The following TNFRSF11A variants were observed in gnomAD, a reference collection of about 807,000 sequenced individuals.
TNFRSF11A encodes the protein tumor necrosis factor receptor superfamily member 11A.
A neutral mutation model predicts 55.7 loss-of-function variants in TNFRSF11A; 32 were observed. That is an observed-to-expected ratio of 0.57 (90% CI 0.43 to 0.77). TNFRSF11A has a LOEUF of 0.77. TNFRSF11A is among the 30% of genes least tolerant of loss of function. The pLI, the probability that TNFRSF11A is intolerant of heterozygous loss-of-function variation, is 0.00. For synonymous variants in TNFRSF11A, 311 were observed against 331.0 expected (o/e 0.94, Z 0.65); for missense variants, 753 against 809.8 (o/e 0.93, Z 0.85).
chr18:62,370,836 T>TTTTC (rs1491176958), intron 9 of TNFRSF11A, among the ~76,000 whole-genome samples: 15 of 2,882 alleles, frequency 5.2e-3, no homozygotes, highest in Admixed American at 0.013. Context: ...TTTTCTTTTC[T>TTTTC]TTTTTTTTTT....
chr18:62,386,362 G>A lies in TNFRSF11A; in HGVS notation c.*1328G>A, dbSNP rs1328787070. 6.6e-6 allele frequency: 1 copy of A among 152,204 alleles called. No individual in the cohort carries two copies. The highest frequency in any genetic ancestry group is 1.5e-5 in the Non-Finnish European group (1 of 68,040). 9.4% of individuals were successfully genotyped at this position (152,204 alleles called of 1,614,324 possible). On this transcript the variant is annotated 3_prime_UTR_variant, in exon 10 of 10. Transcript: ENST00000586569. ...GCATCTGTGGGTTAGCCTTGTAGAA[G>A]TGGAAAACATTCCATTTTCCAATGC...
In TNFRSF11A at chr18:62,387,870, C is replaced by G. The variant is rs1474371831; in HGVS notation, c.*2836C>G. The G allele has an allele frequency of 2.0e-5, 3 of 152,370 alleles. No homozygotes were observed. The highest frequency in any genetic ancestry group is 7.2e-5 in the African/African-American group (3 of 41,546). The allele number at this position is 152,370 out of a possible 1,614,324, so 9.4% of individuals were successfully genotyped here. A position where few individuals can be genotyped will look rare whatever the true frequency, so the allele number is the denominator to read the frequency against. ...GCACAGCGGTTCATGCCTCCCAGTG[C>G]TTTGGGAGGCCAAGGCAGGAGGATC... On this transcript the variant is annotated 3_prime_UTR_variant, in exon 10 of 10. Transcript: ENST00000586569.
rs953690195 is a variant in TNFRSF11A, at chr18:62,377,306, T to C, written c.1568-7445T>C. ...CTTCATTTACTGAAGGACTCTTGGC[T>C]GCTTCCAAGTTTTGGCAATTATGAC... On this transcript the variant is annotated intron_variant, in intron 9 of 9. Transcript: ENST00000586569. Among the ~76,000 whole-genome samples the C allele has an allele frequency of 2.6e-5, 4 of 152,264 alleles. No homozygotes were observed. In the East Asian group the frequency reaches 7.7e-4, roughly 29 times the overall value.
chr18:62,358,796 T>C (rs551691998), intron 5 of TNFRSF11A, among the ~76,000 whole-genome samples: 2 of 152,352 alleles, frequency 1.3e-5, no homozygotes, highest in African/African-American at 4.8e-5. Flanking sequence ...CTGAAGCTTT[T>C]TCTATATTAG....
At chr18:62,384,628 C>G in intron 9 of TNFRSF11A, 123 bp from the exon 10 acceptor site, 1 of 1,187,562 alleles carries the variant, frequency 8.4e-7, no homozygotes, top group Non-Finnish European at 1.2e-6. Context: ...GTGTGGTTCC[C>G]TGTGGCCCCG....
chr18:62,344,861 AC>A lies in TNFRSF11A; in HGVS notation c.76-3305del, dbSNP rs1410785791. Among the ~76,000 whole-genome samples, 7 of 152,332 alleles carry A rather than the reference AC, an allele frequency of 4.6e-5. No individual in the cohort carries two copies. The East Asian group carries it at 1.3e-3, about 29-fold the overall frequency. On this transcript the variant is annotated intron_variant, in intron 1 of 9. Transcript: ENST00000586569. ...CAAAAAAATGACACCCAGAGGATGA[AC>A]CTGACAGGCCGTGCAGGCAGAGGGA...
chr18:62,336,574 G>A (rs2046236980), intron 1 of TNFRSF11A: 1 of 152,172 alleles, frequency 6.6e-6, no homozygotes, highest in African/African-American at 2.4e-5. Context: ...TATCTGAAAT[G>A]AATACAAAGT....
chr18:62,384,431 A>C (rs1388964444), intron 9 of TNFRSF11A, among the ~76,000 whole-genome samples: 426 of 50,234 alleles, frequency 8.5e-3, no homozygotes, highest in Admixed American at 0.01. Context: ...CTCTTCCTCC[A>C]CCCTTTCTTT....
At chr18:62,358,837 A>C (rs546732953) in intron 5 of TNFRSF11A, among the ~76,000 whole-genome samples, 2 of 151,968 alleles carry the variant, frequency 1.3e-5, no homozygotes, top group Non-Finnish European at 2.9e-5. Context: ...TTGGCTTTTC[A>C]CAGCTGCATA....
Position 62,354,848 on chromosome 18 carries a change from T to C in TNFRSF11A, c.427+314T>C, listed in dbSNP as rs370185852. 7.9e-5 allele frequency among the ~76,000 whole-genome samples: 12 copies of C among 152,308 alleles called. No homozygotes were observed. In the East Asian group the frequency reaches 9.6e-4, roughly 12 times the overall value. On this transcript the variant is annotated intron_variant, in intron 4 of 9. Transcript: ENST00000586569. ...CCCCACTTAGGAGCCAGCAGGATAGTGCAGGGGTGATTGGACGTTTTTGAA... is the reference window on the plus strand; with the variant it reads ...CCCCACTTAGGAGCCAGCAGGATAGCGCAGGGGTGATTGGACGTTTTTGAA...
chr18:62,381,242 G>T (rs1483445079), intron 9 of TNFRSF11A, among the ~76,000 whole-genome samples: 1 of 152,148 alleles, frequency 6.6e-6, no homozygotes, highest in Non-Finnish European at 1.5e-5. Context: ...GAATATTTAG[G>T]TTATCAGTAT....
chr18:62,372,677 G>A (rs1392166119), intron 9 of TNFRSF11A, among the ~76,000 whole-genome samples: 2 of 152,078 alleles, frequency 1.3e-5, no homozygotes, highest in African/African-American at 4.8e-5. Flanking sequence ...TGCCTAGTTA[G>A]AAGTGCCCAG....
rs35961943 is a variant in TNFRSF11A, at chr18:62,333,870, CT to C, written c.75+8455del. 8.0e-3 allele frequency among the ~76,000 whole-genome samples: 1,193 copies of C among 148,260 alleles called. 10 individuals carry two copies. Among genetic ancestry groups the C allele is most frequent in the South Asian group, 0.022 (102 of 4,678 alleles). On this transcript the variant is annotated intron_variant, in intron 1 of 9. Transcript: ENST00000586569. Reference sequence around the variant, plus strand: ...TGTACTCACTGAGGGCTTTCTAGAACTTTTTTTTTTTTGAGAAGGAGTCTCA... The same window carrying C: ...TGTACTCACTGAGGGCTTTCTAGAACTTTTTTTTTTTGAGAAGGAGTCTCA...
chr18:62,326,760 C>A (rs1011381484), intron 1 of TNFRSF11A, among the ~76,000 whole-genome samples: 1 of 152,122 alleles, frequency 6.6e-6, no homozygotes, highest in Non-Finnish European at 1.5e-5. Context: ...CGTCTTTTTG[C>A]CTTTAAGCCC....
chr18:62,354,194 C>T (rs904279950), intron 3 of TNFRSF11A, among the ~76,000 whole-genome samples, 197 bp from the exon 4 acceptor site: 1 of 152,220 alleles, frequency 6.6e-6, no homozygotes, highest in Non-Finnish European at 1.5e-5. Context: ...GAAGAACCCC[C>T]CCGTGACGTT....
At chr18:62,339,716 C>T (rs978446624) in intron 1 of TNFRSF11A, among the ~76,000 whole-genome samples, 1 of 152,186 alleles carries the variant, frequency 6.6e-6, no homozygotes, top group African/African-American at 2.4e-5. Flanking sequence ...TTGATACTTC[C>T]TCCTGTTAAA....
chr18:62,382,855 T>C (rs1911390693), intron 9 of TNFRSF11A, among the ~76,000 whole-genome samples: 1 of 152,242 alleles, frequency 6.6e-6, no homozygotes, highest in Non-Finnish European at 1.5e-5. Context: ...GCATTCACTT[T>C]AGTTTTCATA....
In TNFRSF11A at chr18:62,368,681, T is replaced by A; in HGVS notation, c.784-20T>A. The A allele has an allele frequency of 6.2e-7, 1 of 1,614,126 alleles. No homozygotes were observed. The highest frequency in any genetic ancestry group is 8.5e-7 in the Non-Finnish European group (1 of 1,179,956). On this transcript the variant is annotated intron_variant, in intron 8 of 9. Transcript: ENST00000586569. Reference sequence around the variant, plus strand: ...AACTCTAGGTATTAATGCCTCTGCCTTCTGAATGTAAATCGGCAGGAGTCC... The same window carrying A: ...AACTCTAGGTATTAATGCCTCTGCCATCTGAATGTAAATCGGCAGGAGTCC...
intron 1 of TNFRSF11A, among the ~76,000 whole-genome samples, chr18:62,342,722 T>C (rs2046331991): frequency 6.6e-6 from 1 of 152,166 alleles, no homozygotes; most frequent in African/African-American, 2.4e-5. Context: ...AGGGTCTATA[T>C]TTTGACTCAT....
Sources: gnomAD v4.1 joint callset for allele counts (sites outside exome capture counted in the v4.1 genomes callset) on GRCh38, gnomAD v4.1.1 for gene constraint, MANE v1.5 for transcripts, NCBI Gene and HGNC (gene_info 2026-07-23, HGNC 2026-07-21) for gene names.